TMPRSS9: variants seen among roughly 807,000 people sequenced by gnomAD.
The protein encoded by TMPRSS9 is transmembrane protease serine 9.
Under a neutral mutation model 111.4 loss-of-function variants are expected in TMPRSS9, and 113 were observed. That is an observed-to-expected ratio of 1.01 (90% CI 0.87 to 1.19). The LOEUF (loss-of-function observed/expected upper bound fraction) is 1.19. Ranked by LOEUF, TMPRSS9 falls within the 50% of genes most tolerant of loss-of-function variation. The pLI is 0.00. For synonymous variants in TMPRSS9, 805 were observed against 659.1 expected (o/e 1.22, Z -3.39); for missense variants, 1,803 against 1,513.1 (o/e 1.19, Z -3.18).
chr19:2,424,191 A>G (rs764922199), exon 15 of TMPRSS9: 5 of 1,461,184 alleles, frequency 3.4e-6, no homozygotes, highest in Non-Finnish European at 4.5e-6. Context: ...CGGCGCCGGG[A>G]ACACCGTTGC....
chr19:2,372,327 A>C (rs1970298227), intron 1 of TMPRSS9, among the ~76,000 whole-genome samples: 1 of 148,926 alleles, frequency 6.7e-6, no homozygotes, highest in Non-Finnish European at 1.5e-5. Context: ...ATTCTCACAT[A>C]TCTCTCAAAC....
exon 10 of TMPRSS9, chr19:2,413,720 G>A (rs1468761803): frequency 6.2e-7 from 1 of 1,611,462 alleles, no homozygotes. Context: ...GAGGACCCCT[G>A]GTCTGCGAGG....
chr19:2,389,068 C>T (rs1170083927), upstream of TMPRSS9, among the ~76,000 whole-genome samples: 4 of 150,840 alleles, frequency 2.7e-5, no homozygotes, highest in Non-Finnish European at 4.4e-5. Flanking sequence ...CCAGCAGTCA[C>T]GTTCCACCTT....
intron 1 of TMPRSS9, among the ~76,000 whole-genome samples, chr19:2,363,436 GC>G (rs1168157451): frequency 3.3e-5 from 5 of 151,812 alleles, no homozygotes; most frequent in African/African-American, 1.2e-4. Flanking sequence ...GCAGGTGAGG[GC>G]GGAATGAAGG....
At chr19:2,362,710 ATG>A (rs968266962) in intron 1 of TMPRSS9, among the ~76,000 whole-genome samples, 3 of 151,802 alleles carry the variant, frequency 2.0e-5, no homozygotes, top group African/African-American at 7.3e-5. Flanking sequence ...TGGTCATTGT[ATG>A]TGAGATTTGT....
rs1657412423 is a variant in TMPRSS9, at chr19:2,399,132, G to C, written c.453G>C (p.Arg151Ser). Residue 151 changes from arginine (R) to serine (S), a missense_variant, in exon 4 of 18, where the codon AGG (arginine) becomes AGC (serine). Arg to Ser is a moderately radical substitution (Grantham distance 110, BLOSUM62 -1). Transcript: ENST00000648592. Reference sequence around the variant, plus strand: ...TATTGCAGCGAGGGATCCGGGCAAGGCTGCGGGAGCACGGCATCTCCCTGG... The same window carrying C: ...TATTGCAGCGAGGGATCCGGGCAAGCCTGCGGGAGCACGGCATCTCCCTGG... The C allele has an allele frequency of 2.5e-6, 4 of 1,613,528 alleles. No homozygotes were observed.
At chr19:2,425,665 A>T in intron 17 of TMPRSS9, 172 bp downstream of exon 18, 2 of 1,306,784 alleles carry the variant, frequency 1.5e-6, no homozygotes, top group Non-Finnish European at 1.0e-6. Flanking sequence ...ACAGCCGTTT[A>T]TTGGGCAACC....
intron 1 of TMPRSS9, 148 bp downstream of exon 2, chr19:2,390,075 TG>T: frequency 9.9e-7 from 1 of 1,010,574 alleles, no homozygotes; most frequent in Non-Finnish European, 1.4e-6. Context: ...GCCAGGCGGG[TG>T]GGCGGGGAGT....
chr19:2,422,074 C>T lies in TMPRSS9; in HGVS notation c.2375C>T (p.Thr792Met), dbSNP rs138523679. ...ATGCTGGCCACCACCAGCCCCAGGA[C>T]GACAGCTGGCCTCACAGTCCCGGGG... Residue 792 changes from threonine (T) to methionine (M), a missense_variant, in exon 14 of 18, where the codon ACG becomes ATG. By Grantham distance (81) the Thr-to-Met change is moderately conservative. Coordinates refer to ENST00000648592, the Ensembl canonical transcript of TMPRSS9. 6.3e-5 allele frequency: 102 copies of T among 1,609,596 alleles called. No individual in the cohort carries two copies. The African/African-American group carries it at 9.3e-4, about 15-fold the overall frequency.
intron 1 of TMPRSS9, among the ~76,000 whole-genome samples, chr19:2,374,980 G>C (rs573869762): frequency 1.2e-4 from 19 of 152,294 alleles, no homozygotes; most frequent in Non-Finnish European, 2.5e-4. Flanking sequence ...AACAGGTCCC[G>C]TGGAGGAGCT....
chr19:2,411,837 C>T lies in TMPRSS9; in HGVS notation c.1254+1443C>T, dbSNP rs144484472. Among the ~76,000 whole-genome samples, 24 of 152,266 alleles carry T rather than the reference C, an allele frequency of 1.6e-4. No homozygotes were observed. In the East Asian group the frequency reaches 4.4e-3, roughly 28 times the overall value. Reference sequence around the variant, plus strand: ...AAAGTGCTAGGATTACAGGTGTGAGCCACCAGGCCCGGCCGACAATTATAA... The same window carrying T: ...AAAGTGCTAGGATTACAGGTGTGAGTCACCAGGCCCGGCCGACAATTATAA... On this transcript the variant is annotated intron_variant, in intron 9 of 17. Coordinates refer to ENST00000648592, the Ensembl canonical transcript of TMPRSS9.
chr19:2,410,224 C>T (rs1468848487), intron 8 of TMPRSS9, 34 bp from the exon 10 acceptor site: 2 of 1,611,376 alleles, frequency 1.2e-6, no homozygotes, highest in East Asian at 2.2e-5. Context: ...GGCTCCGGCA[C>T]TCTCACCCTG....
intron 1 of TMPRSS9, among the ~76,000 whole-genome samples, chr19:2,379,606 ACTTTCTTTCT>A (rs71337128): frequency 5.6e-5 from 6 of 107,900 alleles, no homozygotes; most frequent in East Asian, 3.1e-4. Context: ...CCCTAAACTA[ACTTTCTTTCT>A]CTTTCTTTCT....
intron 14 of TMPRSS9, 143 bp from the exon 16 acceptor site, chr19:2,423,946 G>C: frequency 2.3e-6 from 2 of 867,250 alleles, no homozygotes; most frequent in Non-Finnish European, 3.0e-6. Context: ...GTCCTTTCCT[G>C]CTGAGTTTTC....
chr19:2,410,439 C>T, intron 9 of TMPRSS9, 45 bp downstream of exon 10: 1 of 1,607,190 alleles, frequency 6.2e-7, no homozygotes, highest in Non-Finnish European at 8.5e-7. Context: ...CAGAAATAGA[C>T]ACGAGCATGT....
chr19:2,405,501 C>A, exon 7 of TMPRSS9: 1 of 1,602,946 alleles, frequency 6.2e-7, no homozygotes. Context: ...GGGCCGCCAT[C>A]ATCAACGCCA....
intron 1 of TMPRSS9, among the ~76,000 whole-genome samples, chr19:2,380,425 G>A (rs919049367): frequency 1.3e-5 from 2 of 151,252 alleles, no homozygotes; most frequent in African/African-American, 2.4e-5. Context: ...GCAAAACCCC[G>A]TCTCTACTAA....
In TMPRSS9 at chr19:2,405,359, C is replaced by A. The variant is rs566643055; in HGVS notation, c.671-15C>A. 3 of 1,579,870 alleles carry A rather than the reference C, an allele frequency of 1.9e-6. No homozygotes were observed. Among genetic ancestry groups the A allele is most frequent in the Admixed American group, 1.9e-5 (1 of 51,858 alleles). Reference sequence around the variant, plus strand: ...GCCTTCGTGGGGTCATGGCTGGTGACCTGCTGTCTTGCAGAGTGTGGCTTG... The same window carrying A: ...GCCTTCGTGGGGTCATGGCTGGTGAACTGCTGTCTTGCAGAGTGTGGCTTG... On this transcript the variant is annotated splice_polypyrimidine_tract_variant and intron_variant, in intron 6 of 17. Transcript: ENST00000648592.
At chr19:2,395,391 C>T (rs987096724) in intron 1 of TMPRSS9, among the ~76,000 whole-genome samples, 1 of 151,980 alleles carries the variant, frequency 6.6e-6, no homozygotes, top group African/African-American at 2.4e-5. Context: ...TGAGAAAACA[C>T]CACTGCACTC....
Sources: gnomAD v4.1 joint callset for allele counts (sites outside exome capture counted in the v4.1 genomes callset) on GRCh38, gnomAD v4.1.1 for gene constraint, MANE v1.5 for transcripts, NCBI Gene and HGNC (gene_info 2026-07-23, HGNC 2026-07-21) for gene names.